IFI44L: variants seen among roughly 807,000 people sequenced by gnomAD.
IFI44L encodes interferon-induced protein 44-like.
IFI44L carries 40 observed loss-of-function variants against 39.3 expected under a neutral mutation model. That is an observed-to-expected ratio of 1.02 (90% CI 0.79 to 1.33). IFI44L has a LOEUF of 1.33. IFI44L is among the 40% of genes most tolerant of loss of function. IFI44L has a pLI of 0.00. For missense variants in IFI44L, 623 were observed against 549.0 expected, an observed-to-expected ratio of 1.13 and a Z score of -1.35; for synonymous variants, 198 against 182.3, an observed-to-expected ratio of 1.09 and a Z score of -0.69.
chr1:78,637,771 C>A (rs1390359074), intron 6 of IFI44L, among the ~76,000 whole-genome samples: 3 of 152,038 alleles, frequency 2.0e-5, no homozygotes, highest in African/African-American at 7.2e-5. Context: ...CTTTGACATC[C>A]ATCCAAGATG....
chr1:78,620,506 G>A lies in IFI44L; in HGVS notation c.-76G>A, dbSNP rs190779316. On this transcript the variant is annotated 5_prime_UTR_variant, in exon 1 of 9. Coordinates refer to ENST00000370751, the MANE Select transcript of IFI44L (RefSeq NM_006820.4). ...AAGAACTTTCTGTCTCCAAACCGTG[G>A]CTGCTCGATAAATCAGACAGAACAG... 2 of 152,306 alleles carry A rather than the reference G, an allele frequency of 1.3e-5. No individual in the cohort carries two copies. Among genetic ancestry groups the A allele is most frequent in the East Asian group, 1.9e-4 (1 of 5,188 alleles). 9.4% of individuals were successfully genotyped at this position (152,306 alleles called of 1,614,324 possible). A position where few individuals can be genotyped will look rare whatever the true frequency, so the allele number is the denominator to read the frequency against.
Position 78,642,002 on chromosome 1 carries a change from A to G in IFI44L, c.*193A>G, listed in dbSNP as rs952570579. ...GCTAAGATAGGTCCTACTGCAAACC[A>G]CCCCTCCATATTTCCGTACCATTTA... On this transcript the variant is annotated 3_prime_UTR_variant, in exon 9 of 9. Transcript: ENST00000370751. 3.2e-6 allele frequency: 2 copies of G among 630,390 alleles called. No homozygotes were observed. The highest frequency in any genetic ancestry group is 5.7e-6 in the Non-Finnish European group (2 of 349,552). 39.0% of individuals were successfully genotyped at this position (630,390 alleles called of 1,614,324 possible). A position where few individuals can be genotyped will look rare whatever the true frequency, so the allele number is the denominator to read the frequency against.
Position 78,641,539 on chromosome 1 carries a change from C to A in IFI44L, c.1254C>A (p.Ile418=), listed in dbSNP as rs554152942. 1.2e-6 allele frequency: 2 copies of A among 1,613,722 alleles called. No homozygotes were observed. Among genetic ancestry groups the A allele is most frequent in the African/African-American group, 1.3e-5 (1 of 74,994 alleles). Residue 418 remains isoleucine (I), a synonymous_variant, in exon 8 of 9, where the codon ATC becomes ATA. Transcript: ENST00000370751. ...LELDPMKDIL[I]LSALRQMLRA... ...TGGACCCCATGAAGGATATTCTCAT[C>A]CTCTCTGCACTGAGGCAGATGCTGC... is the stretch of plus-strand genomic sequence containing the variant.
chr1:78,633,156 C>G (rs1652815893), intron 4 of IFI44L, among the ~76,000 whole-genome samples: 1 of 152,198 alleles, frequency 6.6e-6, no homozygotes, highest in African/African-American at 2.4e-5. Flanking sequence ...TGCATCACCC[C>G]CCTCAACCCC....
At chr1:78,630,707 G>A (rs1652719433) in intron 4 of IFI44L, among the ~76,000 whole-genome samples, 1 of 152,020 alleles carries the variant, frequency 6.6e-6, no homozygotes, top group African/African-American at 2.4e-5. Context: ...AGACAGTAAT[G>A]GTTCATTTTA....
chr1:78,620,904 T>C (rs951190551), intron 1 of IFI44L: 1 of 152,198 alleles, frequency 6.6e-6, no homozygotes, highest in African/African-American at 2.4e-5. Context: ...GTAACCACCA[T>C]GCTACTCTCT....
At chr1:78,639,305 C>T (rs1280956749) in intron 6 of IFI44L, among the ~76,000 whole-genome samples, 1 of 151,898 alleles carries the variant, frequency 6.6e-6, no homozygotes, top group Non-Finnish European at 1.5e-5. Context: ...ACTACCTTGG[C>T]TAAGGGTGAA....
At chr1:78,632,252 A>C (rs1652777094) in intron 4 of IFI44L, among the ~76,000 whole-genome samples, 1 of 152,190 alleles carries the variant, frequency 6.6e-6, no homozygotes, top group Non-Finnish European at 1.5e-5. Context: ...AAAAACAAAA[A>C]CTGACAGTGT....
intron 6 of IFI44L, among the ~76,000 whole-genome samples, chr1:78,638,915 A>T (rs1311446765): frequency 6.6e-6 from 1 of 152,044 alleles, no homozygotes; most frequent in Non-Finnish European, 1.5e-5. Flanking sequence ...TAGGTACTTT[A>T]TTTTATGACT....
At chr1:78,641,207 A>G in intron 7 of IFI44L, 86 bp downstream of exon 7, 2 of 1,013,092 alleles carry the variant, frequency 2.0e-6, no homozygotes, top group Admixed American at 3.6e-5. Flanking sequence ...GTACGTGTAT[A>G]TGTGCTTACA....
At chr1:78,639,407 T>C (rs1172432514) in intron 6 of IFI44L, among the ~76,000 whole-genome samples, 1 of 152,138 alleles carries the variant, frequency 6.6e-6, no homozygotes, top group Non-Finnish European at 1.5e-5. Context: ...CTGAAAGTTT[T>C]CTGTCTTGCT....
chr1:78,622,556 G>A (rs1055199295), intron 1 of IFI44L, among the ~76,000 whole-genome samples: 3 of 151,698 alleles, frequency 2.0e-5, no homozygotes, highest in Non-Finnish European at 4.4e-5. Flanking sequence ...ACTCATGTCC[G>A]TGTATAATCC....
intron 1 of IFI44L, among the ~76,000 whole-genome samples, chr1:78,624,785 C>T (rs374173769): frequency 5.9e-5 from 9 of 152,074 alleles, no homozygotes; most frequent in South Asian, 2.1e-4. Flanking sequence ...ATATTTATAA[C>T]GGTTATATTT....
At position 78,641,937 on chromosome 1, in the gene IFI44L, CAT is replaced by C; in HGVS notation, c.*131_*132del. 1 of 1,074,726 alleles carries C rather than the reference CAT, an allele frequency of 9.3e-7. No individual in the cohort carries two copies. The highest frequency in any genetic ancestry group is 1.4e-6 in the Non-Finnish European group (1 of 692,626). 66.6% of individuals were successfully genotyped at this position (1,074,726 alleles called of 1,614,324 possible). On this transcript the variant is annotated 3_prime_UTR_variant, in exon 9 of 9. Transcript: ENST00000370751. ...TTTTGCCTTCTGTCCTTGGAACAGT[CAT>C]ATCTCAAGTTCAAAGGCCAAAACCT...
intron 1 of IFI44L, among the ~76,000 whole-genome samples, chr1:78,624,152 C>A (rs1186926726): frequency 6.6e-6 from 1 of 151,986 alleles, no homozygotes; most frequent in Non-Finnish European, 1.5e-5. Context: ...CCACCACACC[C>A]AATTTTTGTA....
chr1:78,636,909 G>C (rs1213261879), intron 5 of IFI44L, 123 bp from the exon 6 acceptor site: 1 of 684,590 alleles, frequency 1.5e-6, no homozygotes, highest in Non-Finnish European at 2.5e-6. Context: ...ACTGTTTGGG[G>C]AAAGAGTAGC....
chr1:78,643,158 C>CTTTTTTTTTTTT lies in IFI44L; in HGVS notation c.*1351_*1352insTTTTTTTTTTTT, dbSNP rs1303490900. The CTTTTTTTTTTTT allele has an allele frequency of 6.6e-6, 1 of 151,508 alleles. No individual in the cohort carries two copies. Among genetic ancestry groups the CTTTTTTTTTTTT allele is most frequent in the Non-Finnish European group, 1.5e-5 (1 of 67,852 alleles). 9.4% of individuals were successfully genotyped at this position (151,508 alleles called of 1,614,324 possible). A position where few individuals can be genotyped will look rare whatever the true frequency, so the allele number is the denominator to read the frequency against. Reference sequence around the variant, plus strand: ...ATAGATATTAAGAAAGCAAGAGTTTCTTATGTCCAGTTATGGAATATTTCC... The same window carrying CTTTTTTTTTTTT: ...ATAGATATTAAGAAAGCAAGAGTTTCTTTTTTTTTTTTTTATGTCCAGTTATGGAATATTTCC... On this transcript the variant is annotated 3_prime_UTR_variant, in exon 9 of 9. Coordinates refer to ENST00000370751, the MANE Select transcript of IFI44L (RefSeq NM_006820.4).
intron 1 of IFI44L, among the ~76,000 whole-genome samples, chr1:78,623,256 G>A (rs925028191): frequency 6.6e-6 from 1 of 152,048 alleles, no homozygotes; most frequent in Non-Finnish European, 1.5e-5. Flanking sequence ...GGTAAAAGTG[G>A]ATAATCTTGT....
intron 4 of IFI44L, among the ~76,000 whole-genome samples, chr1:78,634,104 A>G (rs1465331932): frequency 6.6e-6 from 1 of 152,084 alleles, no homozygotes; most frequent in Non-Finnish European, 1.5e-5. Flanking sequence ...CAAATATTCA[A>G]GTTACAAGGG....
Sources: allele counts gnomAD v4.1 joint callset (sites outside exome capture counted in the v4.1 genomes callset), GRCh38; gene constraint gnomAD v4.1.1; transcripts MANE v1.5; gene names NCBI Gene and HGNC (gene_info 2026-07-23, HGNC 2026-07-21).